SPATA6L: variants seen among roughly 807,000 people sequenced by gnomAD.
SPATA6L encodes the protein spermatogenesis associated 6-like protein.
Under a neutral mutation model 49.2 loss-of-function variants are expected in SPATA6L, and 68 were observed. The ratio of observed to expected loss-of-function variants is 1.38; its 90% CI spans 1.14 to 1.69. The LOEUF is 1.69. Ranked by LOEUF, SPATA6L falls within the 40% of genes most tolerant of loss-of-function variation. The probability of loss-of-function intolerance (pLI) is 0.00; values close to 1 mark genes in which losing one functional copy is unlikely to be tolerated. For missense variants in SPATA6L, 668 were observed against 464.3 expected (o/e 1.44, Z -4.03); for synonymous variants, 198 against 165.7 (o/e 1.19, Z -1.50).
intron 3 of SPATA6L, chr9:4,646,488 TG>T: frequency 1.3e-6 from 2 of 1,518,406 alleles, no homozygotes; most frequent in Non-Finnish European, 8.8e-7. Context: ...CCACATTACC[TG>T]GAGGAACTAG....
Position 4,605,358 on chromosome 9 carries a change from G to A in SPATA6L, c.1078C>T (p.His360Tyr). The A allele has an allele frequency of 2.5e-6, 4 of 1,613,414 alleles. No homozygotes were observed. Among genetic ancestry groups the A allele is most frequent in the Non-Finnish European group, 3.4e-6 (4 of 1,179,412 alleles). Reference sequence around the variant, plus strand: ...TAAGAAAGTCTAACCTTGTTTTGGTGCAGCTGTGCTCTGTGGGATGTCAGA... The same window carrying A: ...TAAGAAAGTCTAACCTTGTTTTGGTACAGCTGTGCTCTGTGGGATGTCAGA... The part of the protein sequence containing the change: ...SLLTSHRAQL[H>Y]QNKEDSTSEV... Residue 360 changes from histidine to tyrosine, a missense_variant, in exon 10 of 12, where the codon CAC (histidine) becomes TAC (tyrosine). Coordinates refer to ENST00000682582, the MANE Select transcript of SPATA6L (RefSeq NM_001353486.2).
At chr9:4,619,278 T>G (rs1156871800) in intron 7 of SPATA6L, among the ~76,000 whole-genome samples, 1 of 149,508 alleles carries the variant, frequency 6.7e-6, no homozygotes, top group African/African-American at 2.5e-5. Context: ...TGCCTCAGCC[T>G]CCCGAGTAGC....
chr9:4,600,483 C>CAGAGAGAGAGAG lies in SPATA6L; in HGVS notation c.*327_*328insCTCTCTCTCTCT, dbSNP rs369628564. On this transcript the variant is annotated 3_prime_UTR_variant, in exon 12 of 12. Transcript: ENST00000682582. ...TTTGAGAGAGAGAGACAGAGAGAGC[C>CAGAGAGAGAGAG]AGAGAGAGCCAGAGAGAGAGAGAGG... is the stretch of plus-strand genomic sequence containing the variant. 1 of 19,440 alleles carries CAGAGAGAGAGAG rather than the reference C, an allele frequency of 5.1e-5. No homozygotes were observed. The highest frequency in any genetic ancestry group is 1.7e-4 in the Non-Finnish European group (1 of 6,024). The allele number at this position is 19,440 out of a possible 1,614,324, so 1.2% of individuals were successfully genotyped here.
At chr9:4,647,052 C>T (rs2130686743) in intron 3 of SPATA6L, among the ~76,000 whole-genome samples, 1 of 151,464 alleles carries the variant, frequency 6.6e-6, no homozygotes, top group East Asian at 2.0e-4. Flanking sequence ...GCACATATAC[C>T]CCTAAACCTA....
chr9:4,636,699 T>C (rs926984760), intron 3 of SPATA6L, among the ~76,000 whole-genome samples: 1 of 152,258 alleles, frequency 6.6e-6, no homozygotes, highest in East Asian at 1.9e-4. Context: ...TTACATCAAA[T>C]AATATGATGT....
chr9:4,604,801 G>T (rs188840824), intron 10 of SPATA6L, among the ~76,000 whole-genome samples: 8 of 152,242 alleles, frequency 5.3e-5, no homozygotes, highest in Admixed American at 2.0e-4. Context: ...CTTTGAGCAG[G>T]TGAACTGCCA....
chr9:4,596,679 T>C (rs1480391881), downstream of SPATA6L: 3 of 152,240 alleles, frequency 2.0e-5, no homozygotes, highest in African/African-American at 7.2e-5. Flanking sequence ...TGGTTAATTG[T>C]TCCAACTTCT....
chr9:4,603,849 T>C (rs1823991729), intron 11 of SPATA6L, among the ~76,000 whole-genome samples: 1 of 152,140 alleles, frequency 6.6e-6, no homozygotes, highest in Non-Finnish European at 1.5e-5. Context: ...GGAAGACATA[T>C]TCCAGATGGA....
intron 5 of SPATA6L, chr9:4,628,186 T>C (rs1830713996): frequency 5.0e-6 from 1 of 198,168 alleles, no homozygotes; most frequent in African/African-American, 2.4e-5. Flanking sequence ...ATCTAGTATT[T>C]GATAGAACAA....
chr9:4,659,606 G>C lies in SPATA6L; in HGVS notation c.177+2293C>G, dbSNP rs200650544. ...ATCGTGAAAATGGCCATACTGCCCA[G>C]GGTAATTTATAGACTCAATGCCATC... On this transcript the variant is annotated intron_variant, in intron 2 of 11. Transcript: ENST00000682582. Among the ~76,000 whole-genome samples, 257 of 152,220 alleles carry C rather than the reference G, an allele frequency of 1.7e-3. 5 individuals are homozygous for C. In the South Asian group the frequency reaches 0.022, roughly 13 times the overall value.
chr9:4,641,386 G>C (rs1834003837), intron 3 of SPATA6L, among the ~76,000 whole-genome samples: 8 of 151,782 alleles, frequency 5.3e-5, no homozygotes, highest in Admixed American at 5.2e-4. Context: ...AAGGTAAAAA[G>C]AGCATAATAA....
rs191511609 is a variant in SPATA6L at position 4,641,710 on chromosome 9, C to T, written c.227-6311G>A. On this transcript the variant is annotated intron_variant, in intron 3 of 11. Transcript: ENST00000682582. ...TGCGCGTGCATGTGTGGTTATTTTA[C>T]GGTTGGCTGAATGTACTAAATGCAT... 6.6e-5 allele frequency among the ~76,000 whole-genome samples: 10 copies of T among 152,288 alleles called. No individual in the cohort carries two copies. In the East Asian group the frequency reaches 1.2e-3, roughly 18 times the overall value.
In SPATA6L at chr9:4,598,456, T is replaced by C. The variant is rs771775665; in HGVS notation, c.*2355A>G. Among the ~76,000 whole-genome samples, 2 of 151,986 alleles carry C rather than the reference T, an allele frequency of 1.3e-5. No homozygotes were observed. The highest frequency in any genetic ancestry group is 4.2e-4 in the South Asian group (2 of 4,818). ...CTTGCCCCAGCATGATTCCTCAAAA[T>C]TGAGATAACTCCTTGAGAAACAAAA... On this transcript the variant is annotated 3_prime_UTR_variant, in exon 12 of 12. Transcript: ENST00000682582.
In SPATA6L at chr9:4,662,962, A is replaced by G. The variant is rs1563747809; in HGVS notation, c.40-926T>C. 7.4e-6 allele frequency: 12 copies of G among 1,611,248 alleles called. No homozygotes were observed. In the South Asian group the frequency reaches 9.9e-5, roughly 13 times the overall value. ...CGCAGGCGCCGCCCGGCCCACAACC[A>G]GATGGACATGTTTGTCACTCTCTCG... On this transcript the variant is annotated intron_variant, in intron 1 of 11. Coordinates refer to ENST00000682582, the MANE Select transcript of SPATA6L (RefSeq NM_001353486.2). This position sits in a 1 kb window ranked among gnomAD's most constrained non-coding sequence, Gnocchi z 4.9.
chr9:4,597,047 T>C (rs1172076568), downstream of SPATA6L, among the ~76,000 whole-genome samples: 2 of 152,212 alleles, frequency 1.3e-5, no homozygotes, highest in Admixed American at 6.5e-5. Context: ...AATAACATTA[T>C]TAGACAGATA....
chr9:4,625,374 T>G lies in SPATA6L; in HGVS notation c.622A>C (p.Asn208His). ...TTGCTTCCTCCAGAGATTTTGAAAT[T>G]ATTTCCAAGGTTCAACTGAGCTGGC... ...DQPAQLNLGN[N>H]FKISGGSKPP... The change falls in exon 6 of 12, where the codon AAT (asparagine) becomes CAT (histidine). Residue 208 changes from asparagine (N) to histidine (H), a missense_variant. Coordinates refer to ENST00000682582, the MANE Select transcript of SPATA6L (RefSeq NM_001353486.2). 6.2e-7 allele frequency: 1 copy of G among 1,614,096 alleles called. No homozygotes were observed. Among genetic ancestry groups the G allele is most frequent in the Non-Finnish European group, 8.5e-7 (1 of 1,180,002 alleles).
chr9:4,649,984 G>A (rs924082960), intron 3 of SPATA6L, among the ~76,000 whole-genome samples: 31 of 152,146 alleles, frequency 2.0e-4, no homozygotes, highest in African/African-American at 7.5e-4. Flanking sequence ...TAAGATTCAG[G>A]TAGAAATATA....
In SPATA6L at chr9:4,666,353, C is replaced by A; in HGVS notation, c.-103G>T. The A allele has an allele frequency of 7.9e-7, 1 of 1,258,544 alleles. No homozygotes were observed. Among genetic ancestry groups the A allele is most frequent in the Non-Finnish European group, 1.2e-6 (1 of 869,552 alleles). The allele number at this position is 1,258,544 out of a possible 1,614,324, so 78.0% of individuals were successfully genotyped here. A position where few individuals can be genotyped will look rare whatever the true frequency, so the allele number is the denominator to read the frequency against. On this transcript the variant is annotated 5_prime_UTR_variant, in exon 1 of 12. Transcript: ENST00000682582. ...GCTGAATACCTAGAGCAAATGTTCC[C>A]AGAAGCTTCCCCAGTCCCACGCCCT...
chr9:4,632,360 C>G (rs1831786789), intron 4 of SPATA6L, among the ~76,000 whole-genome samples: 1 of 151,708 alleles, frequency 6.6e-6, no homozygotes, highest in African/African-American at 2.4e-5. Flanking sequence ...CTTTGGGAGG[C>G]CGAGGCAGGA....
Sources: gnomAD v4.1 joint callset for allele counts (sites outside exome capture counted in the v4.1 genomes callset) on GRCh38, gnomAD v4.1.1 for gene constraint, Gnocchi (gnomAD v3.1) non-coding constraint, MANE v1.5 for transcripts, NCBI Gene and HGNC (gene_info 2026-07-23, HGNC 2026-07-21) for gene names.